FOXP1: variants seen among roughly 807,000 people sequenced by gnomAD.
The protein encoded by FOXP1 is forkhead box P1.
FOXP1 carries 15 observed loss-of-function variants against 98.2 expected under a neutral mutation model. The ratio of observed to expected loss-of-function variants is 0.15; its 90% CI spans 0.10 to 0.24. The LOEUF (loss-of-function observed/expected upper bound fraction) is 0.24, where lower values mean the gene tolerates loss of function less well. Ranked by LOEUF, FOXP1 falls within the 10% of genes least tolerant of loss-of-function variation. FOXP1 has a pLI of 1.00. For synonymous variants in FOXP1, 371 were observed against 314.5 expected (o/e 1.18, Z -1.90); for missense variants, 633 against 848.5 (o/e 0.75, Z 3.15).
chr3:71,383,649 C>T (rs2080347584), intron 3 of FOXP1, among the ~76,000 whole-genome samples: 1 of 152,080 alleles, frequency 6.6e-6, no homozygotes, highest in Non-Finnish European at 1.5e-5. Flanking sequence ...GCAGGGGTGT[C>T]TGTGCACATG....
At chr3:71,069,772 G>A (rs1334035705) in intron 7 of FOXP1, among the ~76,000 whole-genome samples, 1 of 152,168 alleles carries the variant, frequency 6.6e-6, no homozygotes, top group Admixed American at 6.5e-5. Flanking sequence ...AAGAAAAGAC[G>A]GCTCTTGGGG....
At chr3:71,139,012 G>T (rs532505217) in intron 6 of FOXP1, among the ~76,000 whole-genome samples, 1 of 152,084 alleles carries the variant, frequency 6.6e-6, no homozygotes, top group East Asian at 1.9e-4. Flanking sequence ...TCCTGGTTTC[G>T]CATGTTAATT....
intron 6 of FOXP1, among the ~76,000 whole-genome samples, chr3:71,119,437 C>A (rs2058600822): frequency 6.6e-6 from 1 of 152,098 alleles, no homozygotes; most frequent in Admixed American, 6.6e-5. Context: ...CAAGATCAAA[C>A]CTGTTTTTCA....
chr3:71,375,043 A>G (rs1423561560), intron 3 of FOXP1, among the ~76,000 whole-genome samples: 2 of 152,208 alleles, frequency 1.3e-5, no homozygotes, highest in African/African-American at 4.8e-5. Flanking sequence ...ACTCTAGGAA[A>G]TCTAGACAAT....
At chr3:71,416,213 G>A (rs1156803442) in intron 3 of FOXP1, among the ~76,000 whole-genome samples, 5 of 152,038 alleles carry the variant, frequency 3.3e-5, no homozygotes, top group African/African-American at 7.2e-5. Context: ...AAGTTATATG[G>A]GTCCAGGAGA....
intron 2 of FOXP1, among the ~76,000 whole-genome samples, chr3:71,547,578 C>T (rs2045461652): frequency 6.6e-6 from 1 of 152,210 alleles, no homozygotes; most frequent in Non-Finnish European, 1.5e-5. Flanking sequence ...AGGGGCAATG[C>T]ATGTATTTTC....
intron 7 of FOXP1, among the ~76,000 whole-genome samples, chr3:71,103,991 T>C (rs1323386597): frequency 1.3e-5 from 2 of 152,146 alleles, no homozygotes. Flanking sequence ...TTTTCTACAT[T>C]AGACTTGATG....
intron 5 of FOXP1, among the ~76,000 whole-genome samples, chr3:71,225,971 A>G (rs534114284): frequency 6.6e-6 from 1 of 152,218 alleles, no homozygotes; most frequent in African/African-American, 2.4e-5. Context: ...TACCAAAAAA[A>G]ACTTTCACTT....
chr3:71,027,473 A>G (rs146970385), intron 11 of FOXP1, among the ~76,000 whole-genome samples: 208 of 152,236 alleles, frequency 1.4e-3, no homozygotes, highest in African/African-American at 4.7e-3. Context: ...CCTTAGAATT[A>G]CTCCCTACTT....
intron 5 of FOXP1, among the ~76,000 whole-genome samples, chr3:71,279,772 T>C (rs919604703): frequency 3.9e-5 from 6 of 152,014 alleles, no homozygotes; most frequent in Non-Finnish European, 7.4e-5. Context: ...GTAGGAAAAA[T>C]GTAGCATACT....
intron 6 of FOXP1, among the ~76,000 whole-genome samples, chr3:71,185,519 A>C (rs11921353): frequency 2.0e-5 from 3 of 152,196 alleles, no homozygotes; most frequent in African/African-American, 7.2e-5. Context: ...GACAACACCA[A>C]CTAAATTATC....
At chr3:71,546,155 C>G (rs1470797364) in intron 2 of FOXP1, among the ~76,000 whole-genome samples, 1 of 152,164 alleles carries the variant, frequency 6.6e-6, no homozygotes, top group Non-Finnish European at 1.5e-5. Flanking sequence ...ACTCCAACAT[C>G]CAACTGCAGA....
At chr3:71,434,323 C>T (rs2085008572) in intron 3 of FOXP1, among the ~76,000 whole-genome samples, 1 of 151,894 alleles carries the variant, frequency 6.6e-6, no homozygotes, top group Non-Finnish European at 1.5e-5. Flanking sequence ...CTTCAGAAGA[C>T]ACCTCCTTCC....
At chr3:70,986,176 T>G (rs1200998767) in intron 14 of FOXP1, among the ~76,000 whole-genome samples, 1 of 152,190 alleles carries the variant, frequency 6.6e-6, no homozygotes, top group African/African-American at 2.4e-5. Context: ...CCCATGCTTT[T>G]CCCTGTTTAC....
At chr3:71,356,150 A>C (rs969026625) in intron 4 of FOXP1, among the ~76,000 whole-genome samples, 3 of 151,442 alleles carry the variant, frequency 2.0e-5, no homozygotes, top group African/African-American at 7.3e-5. Context: ...TATCATCAGC[A>C]ATACCAACTT....
chr3:70,973,918 C>T (rs1005738102), intron 17 of FOXP1, among the ~76,000 whole-genome samples: 37 of 143,208 alleles, frequency 2.6e-4, no homozygotes, highest in Non-Finnish European at 4.5e-4. Flanking sequence ...GGTGGTGAAT[C>T]TTGATACTCT....
chr3:71,481,195 C>G (rs9828629), intron 3 of FOXP1, among the ~76,000 whole-genome samples: 2 of 152,002 alleles, frequency 1.3e-5, no homozygotes, highest in African/African-American at 4.8e-5. Context: ...AAAAATTTAC[C>G]ATGTGCTAAC....
At chr3:71,425,174 G>A (rs2084038854) in intron 3 of FOXP1, among the ~76,000 whole-genome samples, 1 of 151,990 alleles carries the variant, frequency 6.6e-6, no homozygotes, top group Non-Finnish European at 1.5e-5. Flanking sequence ...GGAGTGCAGT[G>A]GCACAATCTC....
chr3:71,247,284 C>T (rs1008663879), intron 5 of FOXP1, among the ~76,000 whole-genome samples: 1 of 152,148 alleles, frequency 6.6e-6, no homozygotes, highest in African/African-American at 2.4e-5. Flanking sequence ...GCTGCAGACC[C>T]CAGTCTGAGG....
Sources: gnomAD v4.1 joint callset for allele counts (sites outside exome capture counted in the v4.1 genomes callset) on GRCh38, gnomAD v4.1.1 for gene constraint, MANE v1.5 for transcripts, NCBI Gene and HGNC (gene_info 2026-07-23, HGNC 2026-07-21) for gene names.